Variants in VPS8 observed in about 807,000 individuals in gnomAD.
The protein encoded by VPS8 is vacuolar protein sorting-associated protein 8 homolog.
Under a neutral mutation model 216.4 loss-of-function variants are expected in VPS8, and 129 were observed. The ratio of observed to expected loss-of-function variants is 0.60; its 90% confidence interval spans 0.52 to 0.69. The LOEUF is 0.69. VPS8 is among the 30% of genes least tolerant of loss of function. VPS8 has a pLI of 0.00. For synonymous variants in VPS8, 571 were observed against 565.4 expected (o/e 1.01, Z -0.14); for missense variants, 1,531 against 1,683.5 (o/e 0.91, Z 1.59).
intron 34 of VPS8, 40 bp downstream of exon 34, chr3:184,930,608 AT>A: frequency 6.9e-7 from 1 of 1,459,588 alleles, no homozygotes; most frequent in Non-Finnish European, 9.6e-7. Context: ...CATCTGAACG[AT>A]CATCTAACCC....
chr3:185,052,070 G>T lies in VPS8; in HGVS notation c.*45G>T. ...CCAGGAGAACCAGAGATGATCCCGAGGCAGCTGGGGAGAGGCCCCGCCTCT... is the reference window on the plus strand; with the variant it reads ...CCAGGAGAACCAGAGATGATCCCGATGCAGCTGGGGAGAGGCCCCGCCTCT... On this transcript the variant is annotated 3_prime_UTR_variant, in exon 48 of 48. Transcript: ENST00000625842. The T allele has an allele frequency of 6.4e-7, 1 of 1,563,032 alleles. No individual in the cohort carries two copies. Among genetic ancestry groups the T allele is most frequent in the East Asian group, 2.3e-5 (1 of 43,090 alleles).
At chr3:185,044,929 G>T (rs958417102) in intron 46 of VPS8, among the ~76,000 whole-genome samples, 37 of 152,316 alleles carry the variant, frequency 2.4e-4, no homozygotes, top group African/African-American at 8.4e-4. Context: ...TTTCCTGGTT[G>T]CAGAGGGGAA....
chr3:185,020,831 G>T (rs1000865331), intron 45 of VPS8, among the ~76,000 whole-genome samples: 1 of 152,186 alleles, frequency 6.6e-6, no homozygotes, highest in African/African-American at 2.4e-5. Context: ...CCAACATTTT[G>T]GGAGGCCAAG....
intron 45 of VPS8, among the ~76,000 whole-genome samples, chr3:185,005,399 G>C (rs1240223535): frequency 6.6e-6 from 1 of 152,034 alleles, no homozygotes; most frequent in Non-Finnish European, 1.5e-5. Context: ...GTTTTTTCTA[G>C]TTCCATGAAG....
chr3:184,883,520 C>G (rs1446900013), intron 21 of VPS8, among the ~76,000 whole-genome samples: 1 of 152,194 alleles, frequency 6.6e-6, no homozygotes, highest in Non-Finnish European at 1.5e-5. Context: ...AGACTCCTCT[C>G]AATGCCTTCC....
At chr3:184,923,597 C>T (rs1057032418) in intron 29 of VPS8, among the ~76,000 whole-genome samples, 12 of 152,178 alleles carry the variant, frequency 7.9e-5, no homozygotes, top group South Asian at 2.1e-4. Flanking sequence ...TGGTGGAACA[C>T]GTTTAGTAGC....
At chr3:185,025,635 T>C (rs1031743869) in intron 46 of VPS8, among the ~76,000 whole-genome samples, 1 of 152,198 alleles carries the variant, frequency 6.6e-6, no homozygotes, top group African/African-American at 2.4e-5. Context: ...ACTGAGGCAA[T>C]GACTGTTGAT....
rs567275983 is a variant in VPS8, at chr3:185,018,110, T to G, written c.4003-6226T>G. On this transcript the variant is annotated intron_variant, in intron 45 of 47. Transcript: ENST00000625842. ...ATTGCCTGTGCTAGCAGAGTAGCCTTATGCAGATTACCTCCAATACCGTCA... is the reference window on the plus strand; with the variant it reads ...ATTGCCTGTGCTAGCAGAGTAGCCTGATGCAGATTACCTCCAATACCGTCA... 2.0e-5 allele frequency among the ~76,000 whole-genome samples: 3 copies of G among 152,312 alleles called. No individual in the cohort carries two copies. The South Asian group carries it at 6.2e-4, about 32-fold the overall frequency.
chr3:184,895,002 G>T (rs1733128267), intron 23 of VPS8, 77 bp downstream of exon 23: 2 of 1,171,942 alleles, frequency 1.7e-6, no homozygotes, highest in East Asian at 5.1e-5. Flanking sequence ...CACTGATCAG[G>T]CCTGACCCTG....
intron 36 of VPS8, among the ~76,000 whole-genome samples, chr3:184,954,420 C>T (rs1745230614): frequency 6.6e-6 from 1 of 152,154 alleles, no homozygotes; most frequent in African/African-American, 2.4e-5. Context: ...AGTTCCAGCT[C>T]TCTAATCACA....
intron 5 of VPS8, among the ~76,000 whole-genome samples, chr3:184,835,795 C>A (rs947348664): frequency 6.6e-6 from 1 of 151,416 alleles, no homozygotes; most frequent in African/African-American, 2.4e-5. Flanking sequence ...CTGCAAGCTC[C>A]ACCTCCCGGA....
intron 22 of VPS8, among the ~76,000 whole-genome samples, chr3:184,888,188 C>T (rs1483405993): frequency 2.6e-5 from 4 of 152,080 alleles, no homozygotes; most frequent in African/African-American, 9.7e-5. Context: ...AGGGTTTCAC[C>T]GTGTTAGCCA....
intron 42 of VPS8, among the ~76,000 whole-genome samples, chr3:184,984,793 T>A (rs1411682713): frequency 6.6e-6 from 1 of 152,150 alleles, no homozygotes; most frequent in East Asian, 1.9e-4. Flanking sequence ...TAAAGCCAAA[T>A]GGGTTCTCTC....
intron 45 of VPS8, among the ~76,000 whole-genome samples, chr3:185,023,466 G>A (rs372254607): frequency 6.6e-6 from 1 of 151,988 alleles, no homozygotes; most frequent in East Asian, 1.9e-4. Flanking sequence ...AGGCCAAGAC[G>A]GGCAGTCATC....
chr3:184,900,924 CTT>C lies in VPS8; in HGVS notation c.2101_2102del (p.Phe701GlnfsTer16). 1 of 1,603,488 alleles carries C rather than the reference CTT, an allele frequency of 6.2e-7. No individual in the cohort carries two copies. The highest frequency in any genetic ancestry group is 8.5e-7 in the Non-Finnish European group (1 of 1,177,358). The part of the protein sequence containing the change: ...MNEFISPMEK[L>X]FRVIAPPLNA... ...TTTCCTATTAATTTTAATGCAGAAA[CTT>C]TTCAGAGTCATTGCTCCTCCTCTGA... On this transcript the variant is annotated frameshift_variant, in exon 25 of 48. Transcript: ENST00000625842. LOFTEE classifies it high-confidence loss of function.
chr3:184,888,134 C>T (rs1307981857), intron 22 of VPS8, among the ~76,000 whole-genome samples: 1 of 151,964 alleles, frequency 6.6e-6, no homozygotes, highest in Non-Finnish European at 1.5e-5. Context: ...ACTACAGGCG[C>T]CCGCCACCAT....
chr3:185,049,696 C>T (rs1230425207), intron 47 of VPS8, among the ~76,000 whole-genome samples: 1 of 152,160 alleles, frequency 6.6e-6, no homozygotes, highest in Non-Finnish European at 1.5e-5. Context: ...CCCCAAATCA[C>T]ACCTCAATTC....
At chr3:184,959,445 A>G (rs890547504) in intron 37 of VPS8, among the ~76,000 whole-genome samples, 9 of 152,224 alleles carry the variant, frequency 5.9e-5, no homozygotes, top group African/African-American at 1.9e-4. Flanking sequence ...GGGAAGGATC[A>G]GGTATAGAAA....
chr3:184,829,954 C>T (rs1043810073), intron 3 of VPS8, among the ~76,000 whole-genome samples: 3 of 152,018 alleles, frequency 2.0e-5, no homozygotes, highest in Non-Finnish European at 2.9e-5. Flanking sequence ...TCTTTCTGTA[C>T]ATTACCTTTT....
Sources: gnomAD v4.1 joint callset for allele counts (sites outside exome capture counted in the v4.1 genomes callset) on GRCh38, gnomAD v4.1.1 for gene constraint, MANE v1.5 for transcripts, NCBI Gene and HGNC (gene_info 2026-07-23, HGNC 2026-07-21) for gene names.